Variants in TUSC3 observed in about 807,000 individuals in gnomAD.
The protein encoded by TUSC3 is dolichyl-diphosphooligosaccharide--protein glycosyltransferase subunit TUSC3.
TUSC3 carries 45 observed loss-of-function variants against 44.8 expected under a neutral mutation model. That is an observed-to-expected ratio of 1.00 (90% CI 0.79 to 1.29). The LOEUF (loss-of-function observed/expected upper bound fraction) is 1.29. TUSC3 is among the 50% of genes most tolerant of loss of function. The pLI, the probability that TUSC3 is intolerant of heterozygous loss-of-function variation, is 0.00. For synonymous variants in TUSC3, 212 were observed against 152.9 expected (o/e 1.39, Z -2.85); for missense variants, 519 against 437.9 (o/e 1.19, Z -1.65).
At chr8:15,455,049 G>T (rs28718126) in intron 1 of TUSC3, among the ~76,000 whole-genome samples, 1 of 152,018 alleles carries the variant, frequency 6.6e-6, no homozygotes, top group Non-Finnish European at 1.5e-5. Flanking sequence ...AGATCTTTGG[G>T]GAAGATGATG....
chr8:15,601,905 G>A (rs1804300377), intron 1 of TUSC3, among the ~76,000 whole-genome samples: 1 of 94,862 alleles, frequency 1.1e-5, no homozygotes. Flanking sequence ...ATAATATTGT[G>A]GTTATTTATG....
At chr8:15,774,510 G>A in the TUSC3 span, among the ~76,000 whole-genome samples, 1 of 152,100 alleles carries the variant, frequency 6.6e-6, no homozygotes, top group Admixed American at 6.6e-5. Flanking sequence ...AGGCAAGGAA[G>A]GATTCCCATA....
intron 1 of TUSC3, among the ~76,000 whole-genome samples, chr8:15,585,071 A>G (rs1803540039): frequency 6.6e-6 from 1 of 152,220 alleles, no homozygotes; most frequent in Non-Finnish European, 1.5e-5. Flanking sequence ...CATGGTTATG[A>G]AAGTATTACA....
intron 6 of TUSC3, among the ~76,000 whole-genome samples, chr8:15,725,231 C>G (rs1157165702): frequency 6.6e-6 from 1 of 152,038 alleles, no homozygotes; most frequent in Non-Finnish European, 1.5e-5. Context: ...AATTTTAACC[C>G]TGTGTATTAT....
upstream of TUSC3, among the ~76,000 whole-genome samples, chr8:15,539,050 A>G (rs1043477877): frequency 6.6e-6 from 1 of 151,074 alleles, no homozygotes; most frequent in African/African-American, 2.4e-5. Flanking sequence ...ACAAGGTCTC[A>G]CTATCTTGCC....
chr8:15,786,492 G>C, the TUSC3 span, among the ~76,000 whole-genome samples: 2 of 152,090 alleles, frequency 1.3e-5, no homozygotes, highest in Non-Finnish European at 2.9e-5. Context: ...TTTTCAGAAG[G>C]ATTTTCAATA....
At chr8:15,467,503 T>C (rs1476919580) in intron 1 of TUSC3, among the ~76,000 whole-genome samples, 1 of 152,154 alleles carries the variant, frequency 6.6e-6, no homozygotes, top group Non-Finnish European at 1.5e-5. Context: ...GCCTTGTGAT[T>C]GTAGTTATTT....
the TUSC3 span, among the ~76,000 whole-genome samples, chr8:15,795,857 A>G: frequency 6.6e-6 from 1 of 152,162 alleles, no homozygotes; most frequent in African/African-American, 2.4e-5. Context: ...AGCCAGTCCA[A>G]TCTGTCCTTT....
chr8:15,486,879 C>G (rs1456823887), intron 2 of TUSC3, among the ~76,000 whole-genome samples: 1 of 152,182 alleles, frequency 6.6e-6, no homozygotes, highest in Non-Finnish European at 1.5e-5. Context: ...CCTGCATATG[C>G]AGTAATAGCA....
intron 1 of TUSC3, among the ~76,000 whole-genome samples, chr8:15,482,854 G>A (rs1483154318): frequency 6.6e-6 from 1 of 152,136 alleles, no homozygotes; most frequent in East Asian, 1.9e-4. Flanking sequence ...TAGAATACAT[G>A]ACTTTCTTCA....
chr8:15,583,864 G>T (rs1803483761), intron 1 of TUSC3, among the ~76,000 whole-genome samples: 1 of 152,126 alleles, frequency 6.6e-6, no homozygotes, highest in South Asian at 2.1e-4. Context: ...TTTTATTAGA[G>T]ATCTTTCTTA....
chr8:15,698,582 C>T (rs1215149692), intron 6 of TUSC3, among the ~76,000 whole-genome samples: 1 of 152,106 alleles, frequency 6.6e-6, no homozygotes, highest in African/African-American at 2.4e-5. Context: ...GTAATCTCTA[C>T]AGCACCTAAA....
At chr8:15,622,865 A>G (rs561190984) in intron 1 of TUSC3, among the ~76,000 whole-genome samples, 10 of 152,034 alleles carry the variant, frequency 6.6e-5, no homozygotes, top group African/African-American at 2.4e-4. Flanking sequence ...TTCTCTAGCA[A>G]GTGGTCTGGG....
At chr8:15,702,145 GCTTC>G (rs1326265216) in intron 6 of TUSC3, among the ~76,000 whole-genome samples, 1 of 152,076 alleles carries the variant, frequency 6.6e-6, no homozygotes, top group Admixed American at 6.6e-5. Context: ...GCCTGATGGG[GCTTC>G]CTTTTGTAGA....
intron 1 of TUSC3, among the ~76,000 whole-genome samples, chr8:15,447,071 A>G (rs935019418): frequency 6.6e-6 from 1 of 152,084 alleles, no homozygotes; most frequent in South Asian, 2.1e-4. Context: ...AAATAGGATA[A>G]GATAATGAGA....
intron 7 of TUSC3, among the ~76,000 whole-genome samples, chr8:15,741,197 A>G (rs972223296): frequency 5.3e-5 from 8 of 152,152 alleles, no homozygotes; most frequent in Non-Finnish European, 1.5e-5. Context: ...TGACCCTAAG[A>G]ACATACTAAT....
At chr8:15,715,726 C>A (rs1810030572) in intron 6 of TUSC3, among the ~76,000 whole-genome samples, 1 of 151,616 alleles carries the variant, frequency 6.6e-6, no homozygotes, top group South Asian at 2.1e-4. Context: ...TCACATTTTT[C>A]TAGCGGTGGT....
chr8:15,781,268 A>G, the TUSC3 span, among the ~76,000 whole-genome samples: 2 of 152,190 alleles, frequency 1.3e-5, no homozygotes, highest in East Asian at 1.9e-4. Flanking sequence ...ATGGGGATAC[A>G]AGGAAGTGGA....
chr8:15,651,245 G>A (rs1806891087), intron 3 of TUSC3, among the ~76,000 whole-genome samples: 1 of 152,062 alleles, frequency 6.6e-6, no homozygotes, highest in Admixed American at 6.5e-5. Context: ...ATTATAGGTG[G>A]TAGTGTATTA....
Sources: gnomAD v4.1 joint callset for allele counts (sites outside exome capture counted in the v4.1 genomes callset) on GRCh38, gnomAD v4.1.1 for gene constraint, MANE v1.5 for transcripts, NCBI Gene and HGNC (gene_info 2026-07-23, HGNC 2026-07-21) for gene names.